ZNF462: variants seen among roughly 807,000 people sequenced by gnomAD.
The protein encoded by ZNF462 is zinc finger protein 462.
ZNF462 carries 10 observed loss-of-function variants against 201.9 expected under a neutral mutation model. The ratio of observed to expected loss-of-function variants is 0.05; its 90% CI spans 0.03 to 0.08. The LOEUF (loss-of-function observed/expected upper bound fraction) is 0.08, where lower values mean the gene tolerates loss of function less well. Ranked by LOEUF, ZNF462 falls within the 10% of genes least tolerant of loss-of-function variation. The pLI is 1.00. For synonymous variants in ZNF462, 1,227 were observed against 1,193.3 expected, an observed-to-expected ratio of 1.03 and a Z score of -0.58; for missense variants, 2,523 against 3,168.3, an observed-to-expected ratio of 0.80 and a Z score of 4.89.
intron 1 of ZNF462, among the ~76,000 whole-genome samples, chr9:106,888,146 G>A (rs1301349828): frequency 4.0e-5 from 6 of 151,406 alleles, no homozygotes; most frequent in Admixed American, 1.3e-4. Flanking sequence ...GGTTCACGCC[G>A]TTCTCCCGCC....
At chr9:106,916,980 T>C (rs1047675694) in intron 1 of ZNF462, among the ~76,000 whole-genome samples, 2 of 152,248 alleles carry the variant, frequency 1.3e-5, no homozygotes, top group Admixed American at 6.5e-5. Flanking sequence ...TCTCTTCTTT[T>C]ATCTCCTTAT....
In ZNF462 at chr9:106,984,382, G is replaced by A; in HGVS notation, c.7029G>A (p.Leu2343=). 6.2e-7 allele frequency: 1 copy of A among 1,613,770 alleles called. No homozygotes were observed. The highest frequency in any genetic ancestry group is 2.2e-5 in the East Asian group (1 of 44,860). ...ATGAGACCAAGCACACGGAGGAACT[G>A]GACAGCCACCTTCGGGATGAGCATA... ...CYYETKHTEE[L]DSHLRDEHKV... is the part of the protein sequence containing the mutation. The change falls in exon 10 of 13, where the codon CTG becomes CTA. Residue 2343 remains leucine, a synonymous_variant. Coordinates refer to ENST00000277225, the MANE Select transcript of ZNF462 (RefSeq NM_021224.6). This position sits in a 1 kb window ranked among gnomAD's most constrained non-coding sequence, Gnocchi z 6.4.
chr9:106,958,019 G>A (rs1831659183), intron 7 of ZNF462, among the ~76,000 whole-genome samples: 1 of 152,126 alleles, frequency 6.6e-6, no homozygotes, highest in Admixed American at 6.6e-5. Context: ...GAAACAGTTA[G>A]ATGAACAGTT....
chr9:106,931,434 A>C (rs1042242598), intron 4 of ZNF462, among the ~76,000 whole-genome samples: 1 of 152,234 alleles, frequency 6.6e-6, no homozygotes, highest in African/African-American at 2.4e-5. Flanking sequence ...CTCTAAGGGT[A>C]CACGCGAACA....
rs762979271 is a variant in ZNF462, at chr9:106,926,953, C to T, written c.3041C>T (p.Pro1014Leu). ...FNKNTPKTFT[P>L]ECENQKDPLV... ...AAAAACACTCCTAAGACCTTTACTC[C>T]TGAATGTGAAAATCAGAAGGACCCT... The change falls in exon 3 of 13, where the codon CCT becomes CTT. Residue 1014 changes from proline to leucine, a missense_variant. This residue lies in a region of ZNF462 where 280 missense variants were observed against 321.3 expected (regional missense o/e 0.87). Transcript: ENST00000277225. The surrounding 1 kb of genome is among the most constrained non-coding windows in gnomAD (Gnocchi z 7.9). The T allele has an allele frequency of 1.2e-6, 2 of 1,614,038 alleles. No individual in the cohort carries two copies. Among genetic ancestry groups the T allele is most frequent in the South Asian group, 2.2e-5 (2 of 91,076 alleles).
At chr9:106,983,860 T>C (rs943098654) in intron 9 of ZNF462, among the ~76,000 whole-genome samples, 6 of 152,156 alleles carry the variant, frequency 3.9e-5, no homozygotes, top group African/African-American at 1.4e-4. Flanking sequence ...TGGTAAAAAT[T>C]GCAGCTACTT....
chr9:106,940,192 T>C (rs954576825), intron 7 of ZNF462, among the ~76,000 whole-genome samples: 9 of 152,198 alleles, frequency 5.9e-5, no homozygotes, highest in Non-Finnish European at 1.2e-4. Flanking sequence ...CTCAACTGAT[T>C]ATCTTCAGAG....
At position 107,003,327 on chromosome 9, in the gene ZNF462, A is replaced by T; in HGVS notation, c.7090A>T (p.Asn2364Tyr). The change falls in exon 11 of 13, where the codon AAC becomes TAC. Residue 2364 changes from asparagine to tyrosine, a missense_variant. Physicochemically the swap from Asn to Tyr is moderately radical, Grantham distance 143 (BLOSUM62 -2). Coordinates refer to ENST00000277225, the MANE Select transcript of ZNF462 (RefSeq NM_021224.6). This position sits in a 1 kb window ranked among gnomAD's most constrained non-coding sequence, Gnocchi z 4.4. ...SRNFELVGRV[N>Y]LDQLEQMKEK... The stretch of plus-strand genomic sequence containing the variant: ...TAACTTTGAGCTGGTTGGACGGGTT[A>T]ACTTGGATCAGCTGGAACAGATGAA... 1 of 1,613,876 alleles carries T rather than the reference A, an allele frequency of 6.2e-7. No individual in the cohort carries two copies. The highest frequency in any genetic ancestry group is 8.5e-7 in the Non-Finnish European group (1 of 1,179,854).
chr9:106,943,104 CTTAG>C (rs1396387985), intron 7 of ZNF462, among the ~76,000 whole-genome samples: 4 of 124,000 alleles, frequency 3.2e-5, no homozygotes, highest in Non-Finnish European at 6.6e-5. Context: ...TTGCTGGTGC[CTTAG>C]TTAGCAACCC....
intron 1 of ZNF462, among the ~76,000 whole-genome samples, chr9:106,910,517 T>A (rs546642792): frequency 2.0e-5 from 3 of 152,228 alleles, no homozygotes; most frequent in Non-Finnish European, 2.9e-5. Context: ...AGTTTGTGTC[T>A]TGATGGCTTG....
chr9:106,996,162 T>C (rs1828715506), intron 10 of ZNF462, among the ~76,000 whole-genome samples: 1 of 152,348 alleles, frequency 6.6e-6, no homozygotes, highest in South Asian at 2.1e-4. Flanking sequence ...TTTTTATGGC[T>C]GCATAGTATT....
At position 106,920,203 on chromosome 9, in the gene ZNF462, A is replaced by G. The variant is rs1044580234; in HGVS notation, c.-30-3151A>G. On this transcript the variant is annotated intron_variant, in intron 1 of 12. Coordinates refer to ENST00000277225, the MANE Select transcript of ZNF462 (RefSeq NM_021224.6). This position sits in a 1 kb window ranked among gnomAD's most constrained non-coding sequence, Gnocchi z 4.3. ...GGATTACCATCTGCTGCAAAAACAT[A>G]TGAATGGGTCATCGTCATGTCCAGT... Among the ~76,000 whole-genome samples the G allele has an allele frequency of 6.6e-6, 1 of 151,658 alleles. No individual in the cohort carries two copies. Among genetic ancestry groups the G allele is most frequent in the African/African-American group, 2.4e-5 (1 of 41,218 alleles).
intron 1 of ZNF462, among the ~76,000 whole-genome samples, chr9:106,893,633 T>C (rs1021808946): frequency 2.7e-4 from 41 of 152,234 alleles, no homozygotes; most frequent in African/African-American, 9.6e-4. Flanking sequence ...CAGGCTCTGA[T>C]GGAGAGGGAA....
intron 10 of ZNF462, among the ~76,000 whole-genome samples, chr9:106,996,289 T>C (rs1211146721): frequency 6.6e-6 from 1 of 152,204 alleles, no homozygotes; most frequent in East Asian, 1.9e-4. Flanking sequence ...TGTGCATGTG[T>C]CTTTATAGCA....
At chr9:106,989,682 G>A (rs925809085) in intron 10 of ZNF462, among the ~76,000 whole-genome samples, 1 of 151,850 alleles carries the variant, frequency 6.6e-6, no homozygotes, top group Non-Finnish European at 1.5e-5. Flanking sequence ...GACTTTTTTT[G>A]TTGGTAATTT....
chr9:106,864,080 CTCTCTCTCTCTCTCTCTCTCTCT>C lies in ZNF462; in HGVS notation c.-31+726_-31+748del, dbSNP rs1564062540. Among the ~76,000 whole-genome samples, 18 of 138,136 alleles carry C rather than the reference CTCTCTCTCTCTCTCTCTCTCTCT, an allele frequency of 1.3e-4. 1 individual carries two copies. The highest frequency in any genetic ancestry group is 8.1e-4 in the Admixed American group (11 of 13,594). 90.6% of individuals were successfully genotyped at this position (138,136 alleles called of 152,430 possible). A position where few individuals can be genotyped will look rare whatever the true frequency, so the allele number is the denominator to read the frequency against. On this transcript the variant is annotated intron_variant, in intron 1 of 12. Transcript: ENST00000277225. ...TCTCTCTCTCTCTCTCTCTCTCTCTCTCTCTCTCTCTCTCTCTCTCTCTCTCTCTCCCTCTCCCCGAAGTTGGG... is the reference window on the plus strand; with the variant it reads ...TCTCTCTCTCTCTCTCTCTCTCTCTCCTCTCTCCCTCTCCCCGAAGTTGGG...
intron 7 of ZNF462, among the ~76,000 whole-genome samples, chr9:106,949,509 C>A (rs1485982697): frequency 6.6e-6 from 1 of 152,174 alleles, no homozygotes; most frequent in Non-Finnish European, 1.5e-5. Flanking sequence ...TAACTAACTT[C>A]TCCCTTCCTC....
rs1829788364 is a variant in ZNF462 at position 107,009,407 on chromosome 9, A to C, written c.7190-138A>C. 1 of 1,200,114 alleles carries C rather than the reference A, an allele frequency of 8.3e-7. No individual in the cohort carries two copies. The highest frequency in any genetic ancestry group is 1.2e-6 in the Non-Finnish European group (1 of 866,368). 74.3% of individuals were successfully genotyped at this position (1,200,114 alleles called of 1,614,324 possible). On this transcript the variant is annotated intron_variant, in intron 11 of 12. Coordinates refer to ENST00000277225, the MANE Select transcript of ZNF462 (RefSeq NM_021224.6). This position sits in a 1 kb window ranked among gnomAD's most constrained non-coding sequence, Gnocchi z 6.1. ...GCCCTAAGGGGGAAACCTAAGAAAA[A>C]GTGAGGAATCTGGAAATTGCTTTCA...
chr9:106,956,476 G>A (rs1831579191), intron 7 of ZNF462, among the ~76,000 whole-genome samples: 1 of 152,078 alleles, frequency 6.6e-6, no homozygotes, highest in African/African-American at 2.4e-5. Flanking sequence ...AATTTTAAAG[G>A]ATTTTTTGAA....
Sources: gnomAD v4.1 joint callset for allele counts (sites outside exome capture counted in the v4.1 genomes callset) on GRCh38, gnomAD v4.1.1 for gene constraint, gnomAD v4.1.1 regional missense constraint, Gnocchi (gnomAD v3.1) non-coding constraint, MANE v1.5 for transcripts, NCBI Gene and HGNC (gene_info 2026-07-23, HGNC 2026-07-21) for gene names.